CDH13: variants seen among roughly 807,000 people sequenced by gnomAD.
CDH13 encodes cadherin 13.
Under a neutral mutation model 63.8 loss-of-function variants are expected in CDH13, and 24 were observed. That is an observed-to-expected ratio of 0.38 (90% CI 0.27 to 0.53). The LOEUF (loss-of-function observed/expected upper bound fraction) is 0.53, where lower values mean the gene tolerates loss of function less well. Among genes scored for constraint, CDH13 ranks in the 20% least tolerant of loss-of-function variants. The pLI, the probability that CDH13 is intolerant of heterozygous loss-of-function variation, is 0.85. For synonymous variants in CDH13, 503 were observed against 355.3 expected (o/e 1.42, Z -4.67); for missense variants, 1,049 against 903.1 (o/e 1.16, Z -2.07).
At chr16:83,223,336 C>T (rs541246585) in intron 5 of CDH13, among the ~76,000 whole-genome samples, 2 of 152,306 alleles carry the variant, frequency 1.3e-5, no homozygotes, top group East Asian at 3.9e-4. Flanking sequence ...AAAGACAGCA[C>T]CTATTCCTGA....
At chr16:83,396,237 T>A (rs1174358699) in intron 6 of CDH13, among the ~76,000 whole-genome samples, 1 of 152,210 alleles carries the variant, frequency 6.6e-6, no homozygotes, top group African/African-American at 2.4e-5. Flanking sequence ...CTATTGTGTT[T>A]CACCTTGTTG....
intron 7 of CDH13, among the ~76,000 whole-genome samples, chr16:83,589,804 G>T (rs1430545814): frequency 1.3e-5 from 2 of 152,152 alleles, no homozygotes; most frequent in African/African-American, 4.8e-5. Context: ...CAGGGCTAAT[G>T]CAGGGAAGGC....
At chr16:83,322,144 T>A (rs2090243168) in intron 5 of CDH13, among the ~76,000 whole-genome samples, 1 of 151,634 alleles carries the variant, frequency 6.6e-6, no homozygotes, top group Non-Finnish European at 1.5e-5. Flanking sequence ...TTGAGGGGGG[T>A]CAGGAGCACA....
In CDH13 at chr16:82,813,131, A is replaced by G. The variant is rs573883725; in HGVS notation, c.46-45231A>G. On this transcript the variant is annotated intron_variant, in intron 1 of 13. Transcript: ENST00000567109. ...GACAAAGTGATTTAATGTGTGCTGA[A>G]GTAAGCTGGAAATTCAGGTGTTCAG... Among the ~76,000 whole-genome samples the G allele has an allele frequency of 1.5e-3, 235 of 152,292 alleles. 5 individuals carry two copies. In the South Asian group the frequency reaches 0.021, roughly 14 times the overall value.
intron 11 of CDH13, among the ~76,000 whole-genome samples, chr16:83,777,259 C>G (rs906767914): frequency 6.6e-6 from 1 of 152,222 alleles, no homozygotes; most frequent in African/African-American, 2.4e-5. Flanking sequence ...GCCTCGTGCA[C>G]TCTGTAGAAT....
chr16:82,659,858 C>G (rs533347756), intron 1 of CDH13, among the ~76,000 whole-genome samples: 16 of 152,152 alleles, frequency 1.1e-4, no homozygotes, highest in Non-Finnish European at 2.2e-4. Flanking sequence ...TGGCCTCTAC[C>G]CACTAGAGGC....
intron 2 of CDH13, among the ~76,000 whole-genome samples, chr16:82,895,658 A>T (rs955892156): frequency 6.6e-6 from 1 of 151,434 alleles, no homozygotes; most frequent in African/African-American, 2.4e-5. Context: ...GATGAAACAA[A>T]CATTACATAC....
intron 1 of CDH13, among the ~76,000 whole-genome samples, chr16:82,764,371 ACT>A (rs1389283638): frequency 6.6e-6 from 1 of 151,920 alleles, no homozygotes; most frequent in East Asian, 1.9e-4. Flanking sequence ...CTTCTCCTCT[ACT>A]CTCTGAGGAG....
chr16:83,005,917 G>T (rs548432594), intron 2 of CDH13, among the ~76,000 whole-genome samples: 1 of 152,304 alleles, frequency 6.6e-6, no homozygotes, highest in South Asian at 2.1e-4. Context: ...AAAAGATTAA[G>T]CACTGGTGTT....
intron 10 of CDH13, among the ~76,000 whole-genome samples, chr16:83,745,181 A>G (rs1597164489): frequency 6.6e-6 from 1 of 152,150 alleles, no homozygotes; most frequent in East Asian, 1.9e-4. Context: ...TACTATTAAT[A>G]TTAAAGGGAG....
chr16:83,083,470 C>G (rs1244827135), intron 3 of CDH13, among the ~76,000 whole-genome samples: 3 of 152,166 alleles, frequency 2.0e-5, no homozygotes, highest in Admixed American at 6.5e-5. Flanking sequence ...TCCTTGCCCC[C>G]ATGTTATGCA....
chr16:83,209,802 G>T (rs1270590800), intron 4 of CDH13, among the ~76,000 whole-genome samples: 8 of 152,100 alleles, frequency 5.3e-5, no homozygotes, highest in Admixed American at 4.6e-4. Flanking sequence ...ATGAGGTTAA[G>T]TCTGCATGGA....
intron 8 of CDH13, among the ~76,000 whole-genome samples, chr16:83,657,508 C>T (rs950518669): frequency 6.6e-6 from 1 of 152,202 alleles, no homozygotes; most frequent in African/African-American, 2.4e-5. Flanking sequence ...CTCAGGATGA[C>T]AGCCAACCAG....
chr16:83,281,513 T>G (rs1751724641), intron 5 of CDH13, among the ~76,000 whole-genome samples: 1 of 152,206 alleles, frequency 6.6e-6, no homozygotes, highest in South Asian at 2.1e-4. Flanking sequence ...TAGCAAGTTT[T>G]GTTTCCTTCA....
chr16:83,479,118 A>AG (rs1343135810), intron 6 of CDH13, among the ~76,000 whole-genome samples: 1 of 152,216 alleles, frequency 6.6e-6, no homozygotes, highest in Non-Finnish European at 1.5e-5. Context: ...CCACAAGACC[A>AG]GAGGAAGCGG....
chr16:83,551,272 A>T (rs1308698265), intron 7 of CDH13, among the ~76,000 whole-genome samples: 1 of 152,068 alleles, frequency 6.6e-6, no homozygotes. Context: ...AGTAGAGACA[A>T]GGTTTCACCA....
At chr16:83,327,234 C>A (rs975518751) in intron 5 of CDH13, among the ~76,000 whole-genome samples, 4 of 152,182 alleles carry the variant, frequency 2.6e-5, no homozygotes, top group Non-Finnish European at 2.9e-5. Context: ...CAGTCACTGC[C>A]ACACAATGAA....
rs539149705 is a variant in CDH13 at position 83,275,425 on chromosome 16, G to T, written c.636+57928G>T. 2.3e-3 allele frequency among the ~76,000 whole-genome samples: 352 copies of T among 152,280 alleles called. 2 individuals are homozygous for T. The highest frequency in any genetic ancestry group is 8.1e-3 in the African/African-American group (335 of 41,544). ...CAGATTAATTGAATTCAGACAGTGA[G>T]CACAGAGCCCCCTTTCAGAGTAAAG... On this transcript the variant is annotated intron_variant, in intron 5 of 13. Transcript: ENST00000567109.
At chr16:83,239,008 A>T (rs146637006) in intron 5 of CDH13, among the ~76,000 whole-genome samples, 2 of 152,296 alleles carry the variant, frequency 1.3e-5, no homozygotes, top group East Asian at 3.9e-4. Flanking sequence ...AGTGCCTTGC[A>T]TGTGCTGTTA....
Sources: gnomAD v4.1 joint callset for allele counts (sites outside exome capture counted in the v4.1 genomes callset) on GRCh38, gnomAD v4.1.1 for gene constraint, MANE v1.5 for transcripts, NCBI Gene and HGNC (gene_info 2026-07-23, HGNC 2026-07-21) for gene names.